MTRR: variants seen among roughly 807,000 people sequenced by gnomAD.
MTRR encodes the protein 5-methyltetrahydrofolate-homocysteine methyltransferase reductase.
MTRR carries 63 observed loss-of-function variants against 79.2 expected under a neutral mutation model. That is an observed-to-expected ratio of 0.80 (90% CI 0.65 to 0.98). MTRR has a LOEUF of 0.98. MTRR is among the 50% of genes least tolerant of loss of function. MTRR has a pLI of 0.00. For missense variants in MTRR, 895 were observed against 839.6 expected, an observed-to-expected ratio of 1.07 and a Z score of -0.82; for synonymous variants, 355 against 313.3, an observed-to-expected ratio of 1.13 and a Z score of -1.41.
intron 11 of MTRR, among the ~76,000 whole-genome samples, chr5:7,895,095 T>C (rs74648168): frequency 0.017 from 2,549 of 152,352 alleles, 33 homozygotes; most frequent in Non-Finnish European, 0.025. Flanking sequence ...CATTCTTAAA[T>C]CTTGGTATCA....
At chr5:7,864,441 A>G (rs569640906), upstream of MTRR, among the ~76,000 whole-genome samples, 18 of 152,314 alleles carry the variant, frequency 1.2e-4, no homozygotes, top group African/African-American at 4.3e-4. Flanking sequence ...TCGACTACAG[A>G]ACATTTAAAA....
intron 9 of MTRR, among the ~76,000 whole-genome samples, chr5:7,890,730 T>C (rs1737401816): frequency 6.6e-6 from 1 of 152,146 alleles, no homozygotes; most frequent in South Asian, 2.1e-4. Context: ...AAATAAAACA[T>C]ACCAAAACAT....
At chr5:7,862,761 A>G (rs1222729272) in intron 2 of MTRR, 8 of 1,405,536 alleles carry the variant, frequency 5.7e-6, no homozygotes, top group Admixed American at 2.0e-5. Flanking sequence ...TAAGTCCCAT[A>G]TATCTCCAAA....
In MTRR at chr5:7,878,009, C is replaced by T. The variant is rs919772858; in HGVS notation, c.467C>T (p.Ser156Leu). ...CCAGCCCTCAGAAAGCATTTTAGGT[C>T]AAGCAGAGGACAAGAGGAGATAAGT... ...LWPALRKHFR[S>L]SRGQEEISGA... Residue 156 changes from serine (S) to leucine (L), a missense_variant, in exon 5 of 15, where the codon TCA becomes TTA. Coordinates refer to ENST00000440940, the MANE Select transcript of MTRR (RefSeq NM_002454.3). 1.2e-6 allele frequency: 2 copies of T among 1,613,544 alleles called. No individual in the cohort carries two copies. Among genetic ancestry groups the T allele is most frequent in the African/African-American group, 2.7e-5 (2 of 74,826 alleles).
At chr5:7,857,129 AAT>A (rs1746269128) in intron 1 of MTRR, among the ~76,000 whole-genome samples, 2 of 152,294 alleles carry the variant, frequency 1.3e-5, no homozygotes, top group South Asian at 4.1e-4. Flanking sequence ...CAAGTAAAAC[AAT>A]TTTTTTTCAT....
chr5:7,889,263 A>G lies in MTRR; in HGVS notation c.1315A>G (p.Ser439Gly), dbSNP rs752734980. ...TTTCCCTTCTTGCCAGCCACCACTC[A>G]GTCTCCTGCTCGGTGAGTAGTCGCT... ...LAFPSCQPPL[S>G]LLLEHLPKLQ... is the part of the protein sequence containing the mutation. Residue 439 changes from serine (S) to glycine (G), a missense_variant, in exon 9 of 15, where the codon AGT (serine) becomes GGT (glycine). Coordinates refer to ENST00000440940, the MANE Select transcript of MTRR (RefSeq NM_002454.3). 2 of 1,612,698 alleles carry G rather than the reference A, an allele frequency of 1.2e-6. No individual in the cohort carries two copies. The highest frequency in any genetic ancestry group is 1.1e-5 in the South Asian group (1 of 91,012).
intron 1 of MTRR, chr5:7,861,691 C>T: frequency 6.3e-7 from 1 of 1,588,182 alleles, no homozygotes; most frequent in Non-Finnish European, 8.6e-7. Context: ...CGTGTGATAC[C>T]CTCACAAACA....
chr5:7,890,221 C>T (rs1579767924), intron 9 of MTRR: 1 of 981,264 alleles, frequency 1.0e-6, no homozygotes, highest in Admixed American at 6.2e-5. Flanking sequence ...AGGCACCCTT[C>T]TTTGCAAGTC....
At position 7,889,110 on chromosome 5, in the gene MTRR, CTTGTGGACTATACCAGTGACAGTGCT is replaced by C. The variant is rs1561245416; in HGVS notation, c.1163_1188del (p.Leu388ArgfsTer11). 24 of 1,614,140 alleles carry C rather than the reference CTTGTGGACTATACCAGTGACAGTGCT, an allele frequency of 1.5e-5. No individual in the cohort carries two copies. Among genetic ancestry groups the C allele is most frequent in the Non-Finnish European group, 2.0e-5 (24 of 1,180,028 alleles). On this transcript the variant is annotated frameshift_variant, in exon 9 of 15. Coordinates refer to ENST00000440940, the MANE Select transcript of MTRR (RefSeq NM_002454.3). LOFTEE classifies it high-confidence loss of function. ...CTTTTTGTAGGCATTTTTGCGAGCC[CTTGTGGACTATACCAGTGACAGTGCT>C]GAAAAGCGCAGGCTACAGGAGCTGT... is the stretch of plus-strand genomic sequence containing the variant.
chr5:7,898,855 G>A, intron 14 of MTRR, among the ~76,000 whole-genome samples: 1 of 152,300 alleles, frequency 6.6e-6, no homozygotes. Flanking sequence ...GGCATATTCA[G>A]ATGTCGATAG....
rs755561250 is a variant in MTRR at position 7,889,259 on chromosome 5, A to G, written c.1311A>G (p.Pro437=). 6 of 1,612,222 alleles carry G rather than the reference A, an allele frequency of 3.7e-6. No individual in the cohort carries two copies. The African/African-American group carries it at 6.7e-5, about 18-fold the overall frequency. ...LLLAFPSCQP[P]LSLLLEHLPK... ...TCGCTTTCCCTTCTTGCCAGCCACC[A>G]CTCAGTCTCCTGCTCGGTGAGTAGT... The change falls in exon 9 of 15, where the codon CCA becomes CCG. Residue 437 remains proline, a synonymous_variant. Coordinates refer to ENST00000440940, the MANE Select transcript of MTRR (RefSeq NM_002454.3).
In MTRR at chr5:7,870,845, C is replaced by G. The variant is rs1361329417; in HGVS notation, c.51C>G (p.Ala17=). Residue 17 remains alanine, a synonymous_variant, in exon 2 of 15, where the codon GCC becomes GCG. Coordinates refer to ENST00000440940, the MANE Select transcript of MTRR (RefSeq NM_002454.3). The part of the protein sequence containing the change: ...LYATQQGQAK[A]IAEEICEQAV... Reference sequence around the variant, plus strand: ...CTACACAGCAGGGACAGGCAAAGGCCATCGCAGAAGAAATATGTGAGCAAG... The same window carrying G: ...CTACACAGCAGGGACAGGCAAAGGCGATCGCAGAAGAAATATGTGAGCAAG... 2 of 1,614,064 alleles carry G rather than the reference C, an allele frequency of 1.2e-6. No individual in the cohort carries two copies. The highest frequency in any genetic ancestry group is 4.5e-5 in the East Asian group (2 of 44,898).
chr5:7,869,211 C>G lies in MTRR; in HGVS notation c.-30C>G, dbSNP rs1394809376. 2 of 1,606,960 alleles carry G rather than the reference C, an allele frequency of 1.2e-6. No homozygotes were observed. The highest frequency in any genetic ancestry group is 1.1e-5 in the South Asian group (1 of 91,072). On this transcript the variant is annotated 5_prime_UTR_variant, in exon 1 of 15. Coordinates refer to ENST00000440940, the MANE Select transcript of MTRR (RefSeq NM_002454.3). ...GCAGGTTCGTGCCCGGCTGGCGCGG[C>G]GTGGGTAAGCTGCCTGTCGGCTACG...
At chr5:7,890,819 C>T (rs373766295) in intron 9 of MTRR, among the ~76,000 whole-genome samples, 7 of 152,096 alleles carry the variant, frequency 4.6e-5, no homozygotes, top group Admixed American at 3.3e-4. Flanking sequence ...AGAATACCTA[C>T]GTATTTTGAA....
chr5:7,870,043 A>G (rs1747647233), intron 1 of MTRR: 3 of 985,418 alleles, frequency 3.0e-6, no homozygotes, highest in African/African-American at 1.7e-5. Context: ...TTAGATGAGT[A>G]TGGAAAAAAA....
At chr5:7,862,907 A>G in intron 2 of MTRR, 1 of 1,614,072 alleles carries the variant, frequency 6.2e-7, no homozygotes, top group South Asian at 1.1e-5. Flanking sequence ...ATCTTCACAT[A>G]TCTATAAAGC....
At chr5:7,886,902 T>A (rs76060941) in intron 8 of MTRR, among the ~76,000 whole-genome samples, 199 bp downstream of exon 8, 1 of 152,214 alleles carries the variant, frequency 6.6e-6, no homozygotes, top group Non-Finnish European at 1.5e-5. Context: ...GTATTTGCAT[T>A]TAAATTTTTG....
chr5:7,889,362 TC>T, intron 9 of MTRR, 87 bp downstream of exon 9: 1 of 1,447,222 alleles, frequency 6.9e-7, no homozygotes, highest in Middle Eastern at 2.4e-4. Context: ...AATTTGCTGC[TC>T]TTGTCTTACC....
chr5:7,871,519 A>G (rs1338559113), intron 2 of MTRR, among the ~76,000 whole-genome samples: 4 of 152,208 alleles, frequency 2.6e-5, no homozygotes, highest in Admixed American at 2.6e-4. Context: ...ATACTATTTC[A>G]GACAATTCAG....
Sources: allele counts gnomAD v4.1 joint callset (sites outside exome capture counted in the v4.1 genomes callset), GRCh38; gene constraint gnomAD v4.1.1; transcripts MANE v1.5; gene names NCBI Gene and HGNC (gene_info 2026-07-23, HGNC 2026-07-21).